Variants in FSTL5 observed in about 807,000 individuals in gnomAD.
The protein encoded by FSTL5 is follistatin-related protein 5.
Under a neutral mutation model 89.1 loss-of-function variants are expected in FSTL5, and 62 were observed. The observed-to-expected ratio is 0.70, with a 90% CI of 0.57 to 0.86. FSTL5 has a LOEUF of 0.86. Ranked by LOEUF, FSTL5 falls within the 40% of genes least tolerant of loss-of-function variation. The pLI, the probability that FSTL5 is intolerant of heterozygous loss-of-function variation, is 0.00. For missense variants in FSTL5, 1,057 were observed against 1,001.6 expected, an observed-to-expected ratio of 1.06 and a Z score of -0.75; for synonymous variants, 383 against 346.2, an observed-to-expected ratio of 1.11 and a Z score of -1.18.
chr4:161,484,782 A>G (rs1240148936), intron 12 of FSTL5, among the ~76,000 whole-genome samples: 1 of 152,186 alleles, frequency 6.6e-6, no homozygotes, highest in East Asian at 1.9e-4. Flanking sequence ...AATTAAAAAC[A>G]TGAATAGGAG....
chr4:161,829,649 A>G (rs1730781780), intron 4 of FSTL5, among the ~76,000 whole-genome samples: 1 of 152,110 alleles, frequency 6.6e-6, no homozygotes, highest in African/African-American at 2.4e-5. Flanking sequence ...CTGTTTGGCT[A>G]CTATGCCAAG....
chr4:161,734,505 A>T (rs1271487773), intron 6 of FSTL5, among the ~76,000 whole-genome samples: 1 of 152,166 alleles, frequency 6.6e-6, no homozygotes. Flanking sequence ...AAATATTTTA[A>T]TAGAGATGTA....
At chr4:161,748,579 G>A (rs529024418) in intron 6 of FSTL5, among the ~76,000 whole-genome samples, 9 of 149,000 alleles carry the variant, frequency 6.0e-5, no homozygotes, top group Admixed American at 6.0e-4. Context: ...TTAATTGCTG[G>A]ACTGAAATAA....
chr4:161,979,145 A>T (rs1437546552), intron 3 of FSTL5, among the ~76,000 whole-genome samples: 1 of 152,122 alleles, frequency 6.6e-6, no homozygotes, highest in African/African-American at 2.4e-5. Context: ...ACTTTGGTCT[A>T]TGGGATGTCA....
At chr4:161,446,801 A>T (rs1195049445) in intron 15 of FSTL5, among the ~76,000 whole-genome samples, 1 of 151,996 alleles carries the variant, frequency 6.6e-6, no homozygotes, top group Non-Finnish European at 1.5e-5. Flanking sequence ...TTAACTTCTG[A>T]CATATTTCTT....
At chr4:161,997,362 G>C (rs1736325086) in intron 3 of FSTL5, among the ~76,000 whole-genome samples, 1 of 152,108 alleles carries the variant, frequency 6.6e-6, no homozygotes, top group Admixed American at 6.6e-5. Flanking sequence ...GAATTGAGGA[G>C]GAAACATGAG....
intron 5 of FSTL5, among the ~76,000 whole-genome samples, chr4:161,763,825 AT>A (rs1740893890): frequency 6.6e-6 from 1 of 152,176 alleles, no homozygotes; most frequent in South Asian, 2.1e-4. Flanking sequence ...AGGTAAGAAA[AT>A]AAGTATACCC....
intron 1 of FSTL5, among the ~76,000 whole-genome samples, chr4:162,120,925 C>A (rs893917531): frequency 6.6e-6 from 1 of 151,830 alleles, no homozygotes; most frequent in Non-Finnish European, 1.5e-5. Context: ...TCATAGTAAC[C>A]ATCTTTATAG....
At chr4:161,993,966 G>A (rs1011539764) in intron 3 of FSTL5, among the ~76,000 whole-genome samples, 3 of 152,064 alleles carry the variant, frequency 2.0e-5, no homozygotes, top group Non-Finnish European at 4.4e-5. Context: ...TGTCATGGGG[G>A]TTTGTTGTAC....
At chr4:162,006,159 T>C (rs1475452702) in intron 3 of FSTL5, among the ~76,000 whole-genome samples, 1 of 152,044 alleles carries the variant, frequency 6.6e-6, no homozygotes, top group African/African-American at 2.4e-5. Context: ...AGTGTCTTGA[T>C]ATGAAAGCAA....
chr4:161,557,338 T>G (rs1305653817), intron 8 of FSTL5, among the ~76,000 whole-genome samples: 2 of 151,642 alleles, frequency 1.3e-5, no homozygotes, highest in Non-Finnish European at 3.0e-5. Context: ...ATGCTAGAAT[T>G]TTTAATCTTC....
chr4:161,402,085 G>A (rs1056894294), intron 15 of FSTL5, among the ~76,000 whole-genome samples: 9 of 152,152 alleles, frequency 5.9e-5, no homozygotes, highest in South Asian at 4.2e-4. Context: ...GTAGATGAAA[G>A]GCACAAAGGA....
At chr4:161,494,145 C>T (rs1488010059) in intron 12 of FSTL5, among the ~76,000 whole-genome samples, 2 of 152,096 alleles carry the variant, frequency 1.3e-5, no homozygotes, top group African/African-American at 4.8e-5. Context: ...CTTCAGGAAG[C>T]TCTTTGCAGG....
At chr4:161,982,955 C>T (rs1051433065) in intron 3 of FSTL5, among the ~76,000 whole-genome samples, 32 of 152,126 alleles carry the variant, frequency 2.1e-4, no homozygotes, top group African/African-American at 7.7e-4. Context: ...GAAACTTCTA[C>T]AATATTATCA....
chr4:161,486,173 T>C (rs1729672458), intron 12 of FSTL5, among the ~76,000 whole-genome samples: 1 of 148,526 alleles, frequency 6.7e-6, no homozygotes, highest in South Asian at 2.1e-4. Context: ...AAAGTAAATA[T>C]CTGGTTCTCT....
Position 161,513,267 on chromosome 4 carries a change from GA to G in FSTL5, c.1313-2844del, listed in dbSNP as rs1560931994. On this transcript the variant is annotated intron_variant, in intron 10 of 15. Transcript: ENST00000306100. ...GAAGCACTGAACTGAACCAAACAAG[GA>G]GGGGGAGAGAGAGAGAGAGAGAGAG... 7.9e-4 allele frequency among the ~76,000 whole-genome samples: 77 copies of G among 97,202 alleles called. 3 individuals are homozygous for G. Among genetic ancestry groups the G allele is most frequent in the African/African-American group, 2.5e-3 (64 of 25,202 alleles). 63.8% of individuals were successfully genotyped at this position (97,202 alleles called of 152,430 possible). A position where few individuals can be genotyped will look rare whatever the true frequency, so the allele number is the denominator to read the frequency against.
chr4:162,020,609 A>G (rs953444145), intron 3 of FSTL5, among the ~76,000 whole-genome samples: 2 of 152,096 alleles, frequency 1.3e-5, no homozygotes, highest in African/African-American at 4.8e-5. Flanking sequence ...TCTTGCCTGT[A>G]GTCACCTGGC....
chr4:161,983,933 T>C (rs1735894403), intron 3 of FSTL5, among the ~76,000 whole-genome samples: 1 of 152,100 alleles, frequency 6.6e-6, no homozygotes, highest in African/African-American at 2.4e-5. Flanking sequence ...GCTCATAGGA[T>C]TTCATGAAAT....
At chr4:161,554,504 C>A (rs1280330853) in intron 8 of FSTL5, among the ~76,000 whole-genome samples, 5 of 151,556 alleles carry the variant, frequency 3.3e-5, no homozygotes, top group Non-Finnish European at 5.9e-5. Flanking sequence ...AGTATGGAGA[C>A]AGCATAACTG....
Sources: allele counts gnomAD v4.1 joint callset (sites outside exome capture counted in the v4.1 genomes callset), GRCh38; gene constraint gnomAD v4.1.1; transcripts MANE v1.5; gene names NCBI Gene and HGNC (gene_info 2026-07-23, HGNC 2026-07-21).